FLI1: variants seen among roughly 807,000 people sequenced by gnomAD.
The protein encoded by FLI1 is Friend leukemia integration 1 transcription factor.
A neutral mutation model predicts 53.1 loss-of-function variants in FLI1; 13 were observed. The observed-to-expected ratio is 0.24, with a 90% CI of 0.16 to 0.39. The LOEUF (loss-of-function observed/expected upper bound fraction) is 0.39, where lower values mean the gene tolerates loss of function less well. FLI1 is among the 10% of genes least tolerant of loss of function. The probability of loss-of-function intolerance (pLI) is 1.00; values close to 1 mark genes in which losing one functional copy is unlikely to be tolerated. For missense variants in FLI1, 424 were observed against 600.5 expected, an observed-to-expected ratio of 0.71 and a Z score of 3.07; for synonymous variants, 244 against 236.7, an observed-to-expected ratio of 1.03 and a Z score of -0.28.
chr11:128,757,477 A>G (rs1342921638), intron 1 of FLI1, among the ~76,000 whole-genome samples: 2 of 152,170 alleles, frequency 1.3e-5, no homozygotes, highest in East Asian at 3.9e-4. Context: ...AGCATTTCTT[A>G]CAAGCTACAC....
intron 1 of FLI1, among the ~76,000 whole-genome samples, chr11:128,694,946 C>A (rs1937980554): frequency 6.6e-6 from 1 of 152,162 alleles, no homozygotes; most frequent in East Asian, 1.9e-4. Context: ...GCCGGCCTCG[C>A]CGCCTCTCCG....
chr11:128,774,207 A>C (rs1941664834), intron 4 of FLI1, among the ~76,000 whole-genome samples: 1 of 151,914 alleles, frequency 6.6e-6, no homozygotes, highest in Non-Finnish European at 1.5e-5. Context: ...AAATCAAAAA[A>C]CTGGCTTTGG....
intron 5 of FLI1, among the ~76,000 whole-genome samples, chr11:128,802,602 T>C (rs531021355): frequency 6.6e-6 from 1 of 152,232 alleles, no homozygotes; most frequent in African/African-American, 2.4e-5. Context: ...CTTTTTCACC[T>C]ATGTGAGGAC....
rs56256279 is a variant in FLI1, at chr11:128,770,714, C to T, written c.386-2068C>T. Among the ~76,000 whole-genome samples, 1,082 of 152,262 alleles carry T rather than the reference C, an allele frequency of 7.1e-3. 8 individuals carry two copies. The highest frequency in any genetic ancestry group is 9.2e-3 in the Non-Finnish European group (629 of 68,024). On this transcript the variant is annotated intron_variant, in intron 3 of 8. Coordinates refer to ENST00000527786, the MANE Select transcript of FLI1 (RefSeq NM_002017.5). Reference sequence around the variant, plus strand: ...GGCCTTGGATACTAAAAGTGAGGAACTGGGAGAAGTGAAGAATGAAATAAT... The same window carrying T: ...GGCCTTGGATACTAAAAGTGAGGAATTGGGAGAAGTGAAGAATGAAATAAT...
intron 2 of FLI1, among the ~76,000 whole-genome samples, chr11:128,758,979 C>T (rs188597792): frequency 7.9e-5 from 12 of 152,320 alleles, no homozygotes; most frequent in East Asian, 1.9e-4. Context: ...GCCCCTTGGG[C>T]AAGTCATCGA....
chr11:128,707,844 T>C (rs184492940), intron 1 of FLI1, among the ~76,000 whole-genome samples: 91 of 152,356 alleles, frequency 6.0e-4, no homozygotes, highest in Non-Finnish European at 1.1e-3. Flanking sequence ...AAATTTCACA[T>C]GCCTGTTTCT....
Position 128,758,212 on chromosome 11 carries a change from G to T in FLI1, c.116G>T (p.Ser39Ile). 6.2e-7 allele frequency: 1 copy of T among 1,613,398 alleles called. No individual in the cohort carries two copies. The highest frequency in any genetic ancestry group is 1.7e-5 in the Admixed American group (1 of 59,958). ...AAGGCCGACATGACTGCCTCGGGGA[G>T]TCCTGACTACGGGCAGCCCCACAAG... ...LPKADMTASG[S>I]PDYGQPHKIN... Residue 39 changes from serine to isoleucine, a missense_variant, in exon 2 of 9, where the codon AGT becomes ATT. By Grantham distance (142) the Ser-to-Ile change is moderately radical. Around this residue, in one of 5 missense-constraint regions of FLI1, gnomAD observed 137 missense variants for 169.1 expected, o/e 0.81. Transcript: ENST00000527786.
intron 5 of FLI1, chr11:128,804,444 CTAGT>C (rs1232692390): frequency 6.6e-6 from 1 of 152,200 alleles, no homozygotes; most frequent in Non-Finnish European, 1.5e-5. Flanking sequence ...AAGTTTCCAG[CTAGT>C]TAGTTAAGCA....
intron 1 of FLI1, among the ~76,000 whole-genome samples, chr11:128,728,083 C>T (rs911427293): frequency 1.3e-5 from 2 of 152,262 alleles, no homozygotes; most frequent in African/African-American, 4.8e-5. Context: ...CTCCCTTGGG[C>T]CTTCAGCAGA....
chr11:128,719,318 A>AT lies in FLI1; in HGVS notation c.18+25043dup, dbSNP rs145904281. ...CAGTTCGTAATGTTGTGAGGACAAAATGGTCTGCGTGTGTGTGTACTCTTT... is the reference window on the plus strand; with the variant it reads ...CAGTTCGTAATGTTGTGAGGACAAAATTGGTCTGCGTGTGTGTGTACTCTTT... On this transcript the variant is annotated intron_variant, in intron 1 of 8. Transcript: ENST00000527786. Among the ~76,000 whole-genome samples, 463 of 150,814 alleles carry AT rather than the reference A, an allele frequency of 3.1e-3. 4 individuals are homozygous for AT. The highest frequency in any genetic ancestry group is 1.0e-2 in the African/African-American group (408 of 41,000).
chr11:128,732,010 AAAAGAAAAG>A (rs1390334076), intron 1 of FLI1, among the ~76,000 whole-genome samples: 1 of 147,010 alleles, frequency 6.8e-6, no homozygotes, highest in African/African-American at 2.7e-5. Flanking sequence ...CTCAAAAAAA[AAAAGAAAAG>A]AAAAGAAAAG....
At chr11:128,769,831 T>C (rs1420159692) in intron 3 of FLI1, among the ~76,000 whole-genome samples, 1 of 152,234 alleles carries the variant, frequency 6.6e-6, no homozygotes, top group African/African-American at 2.4e-5. Context: ...GACCAGCTAG[T>C]AATGTTTAGC....
Position 128,758,296 on chromosome 11 carries a change from A to G in FLI1, c.200A>G (p.Lys67Arg). The change falls in exon 2 of 9, where the codon AAG becomes AGG. Residue 67 changes from lysine (K) to arginine (R), a missense_variant. Lys to Arg is a conservative substitution (Grantham distance 26). Coordinates refer to ENST00000527786, the MANE Select transcript of FLI1 (RefSeq NM_002017.5). ...AATCAGCCAGTGAGGGTCAACGTCA[A>G]GCGGGAGTATGACCACATGAATGGA... ...WINQPVRVNV[K>R]REYDHMNGSR... 6.2e-7 allele frequency: 1 copy of G among 1,613,578 alleles called. No individual in the cohort carries two copies. Among genetic ancestry groups the G allele is most frequent in the Non-Finnish European group, 8.5e-7 (1 of 1,179,706 alleles).
chr11:128,793,837 G>T (rs1445842621), intron 5 of FLI1, among the ~76,000 whole-genome samples: 1 of 152,180 alleles, frequency 6.6e-6, no homozygotes, highest in African/African-American at 2.4e-5. Flanking sequence ...CAGGGAACTG[G>T]TGCCAGGCTG....
At chr11:128,757,998 C>A in intron 1 of FLI1, 117 bp from the exon 2 acceptor site, 1 of 854,152 alleles carries the variant, frequency 1.2e-6, no homozygotes, top group Non-Finnish European at 1.8e-6. Flanking sequence ...CAAACAGGAA[C>A]TTCCAGACAA....
intron 1 of FLI1, among the ~76,000 whole-genome samples, chr11:128,728,550 T>C (rs1018853133): frequency 6.6e-6 from 1 of 152,234 alleles, no homozygotes; most frequent in Non-Finnish European, 1.5e-5. Flanking sequence ...AAAATCTCCC[T>C]GAGGCAGGTT....
At chr11:128,773,929 T>C (rs1941653591) in intron 4 of FLI1, among the ~76,000 whole-genome samples, 1 of 151,982 alleles carries the variant, frequency 6.6e-6, no homozygotes, top group South Asian at 2.1e-4. Flanking sequence ...ATGCTATTTG[T>C]TGTGAATGGC....
intron 1 of FLI1, among the ~76,000 whole-genome samples, chr11:128,749,309 A>G (rs1940544624): frequency 6.6e-6 from 1 of 152,254 alleles, no homozygotes; most frequent in Non-Finnish European, 1.5e-5. Context: ...ACCTAGTGGC[A>G]TAAACCAATT....
At chr11:128,715,932 A>G (rs1938990470) in intron 1 of FLI1, among the ~76,000 whole-genome samples, 1 of 152,220 alleles carries the variant, frequency 6.6e-6, no homozygotes, top group Non-Finnish European at 1.5e-5. Context: ...CACTAAGGAG[A>G]GCAAGGTTTG....
Sources: allele counts gnomAD v4.1 joint callset (sites outside exome capture counted in the v4.1 genomes callset), GRCh38; gene constraint gnomAD v4.1.1; regional missense constraint gnomAD v4.1.1; transcripts MANE v1.5; gene names NCBI Gene and HGNC (gene_info 2026-07-23, HGNC 2026-07-21).